Variants in IL1RAPL1 observed in about 807,000 individuals in gnomAD.
IL1RAPL1 encodes the protein interleukin 1 receptor accessory protein like 1.
A neutral mutation model predicts 48.4 loss-of-function variants in IL1RAPL1; 3 were observed. That is an observed-to-expected ratio of 0.06 (90% CI 0.03 to 0.16). The LOEUF is 0.16. IL1RAPL1 is among the 10% of genes least tolerant of loss of function. The pLI, the probability that IL1RAPL1 is intolerant of heterozygous loss-of-function variation, is 1.00. For missense variants in IL1RAPL1, 349 were observed against 530.6 expected, an observed-to-expected ratio of 0.66 and a Z score of 3.36; for synonymous variants, 185 against 187.7, an observed-to-expected ratio of 0.99 and a Z score of 0.12.
intron 5 of IL1RAPL1, among the ~76,000 whole-genome samples, chrX:29,667,816 TAGAA>T (rs1190404661): frequency 2.7e-5 from 3 of 111,954 alleles, no homozygotes; most frequent in African/African-American, 6.5e-5. Context: ...TAACGGATAA[TAGAA>T]AGAGTTTAGA....
intron 5 of IL1RAPL1, among the ~76,000 whole-genome samples, chrX:29,453,674 A>G (rs1254108582): frequency 9.0e-6 from 1 of 111,363 alleles, no homozygotes; most frequent in East Asian, 2.8e-4. Flanking sequence ...TCTAGGCCCT[A>G]CCTTCGGAGA....
intron 2 of IL1RAPL1, among the ~76,000 whole-genome samples, chrX:29,212,938 AC>A (rs34030650): frequency 9.0e-6 from 1 of 111,657 alleles, no homozygotes; most frequent in African/African-American, 3.3e-5. Context: ...GTGTAAATGG[AC>A]CCGTGCAGTT....
intron 1 of IL1RAPL1, among the ~76,000 whole-genome samples, chrX:28,594,447 C>CAATTATTATA (rs1279311058): frequency 9.0e-6 from 1 of 111,236 alleles, no homozygotes; most frequent in Non-Finnish European, 1.9e-5. Flanking sequence ...TTATAAAAGC[C>CAATTATTATA]AAAGGTGATC....
chrX:28,971,876 T>TTGTGTGTG (rs3066657), intron 2 of IL1RAPL1, among the ~76,000 whole-genome samples: 5,517 of 84,375 alleles, frequency 0.065, 285 homozygotes, highest in East Asian at 0.24. Flanking sequence ...ACTCTGAAAA[T>TTGTGTGTG]TGTGTGTGTG....
chrX:29,689,264 A>G (rs1316651758), intron 6 of IL1RAPL1, among the ~76,000 whole-genome samples: 1 of 111,595 alleles, frequency 9.0e-6, no homozygotes, highest in Admixed American at 9.6e-5. Flanking sequence ...TTTTTAAACT[A>G]TGGGGGCAGT....
At chrX:29,927,379 A>T (rs1387510298) in intron 8 of IL1RAPL1, among the ~76,000 whole-genome samples, 1 of 111,810 alleles carries the variant, frequency 8.9e-6, no homozygotes, top group Non-Finnish European at 1.9e-5. Context: ...TTTTTAATTA[A>T]TTGCCTCATT....
intron 2 of IL1RAPL1, among the ~76,000 whole-genome samples, chrX:28,828,032 G>A (rs935427846): frequency 2.7e-5 from 3 of 111,561 alleles, no homozygotes; most frequent in Non-Finnish European, 3.8e-5. Flanking sequence ...CTAGATCTTA[G>A]AATGGTCTGT....
At chrX:29,078,165 G>A (rs769539162) in intron 2 of IL1RAPL1, among the ~76,000 whole-genome samples, 2 of 111,592 alleles carry the variant, frequency 1.8e-5, no homozygotes, top group South Asian at 3.8e-4. Context: ...CCAGCTACTC[G>A]GGAAGCTGAG....
At chrX:29,419,985 G>A (rs1299658830) in intron 5 of IL1RAPL1, among the ~76,000 whole-genome samples, 1 of 111,557 alleles carries the variant, frequency 9.0e-6, no homozygotes, top group African/African-American at 3.3e-5. Context: ...TGAGTATAAG[G>A]GAAGGAATGT....
intron 2 of IL1RAPL1, among the ~76,000 whole-genome samples, chrX:29,216,854 C>G (rs1333791791): frequency 9.0e-6 from 1 of 111,729 alleles, no homozygotes; most frequent in African/African-American, 3.3e-5. Flanking sequence ...ATGGTAGTAC[C>G]AGTTCCTCTG....
At chrX:29,260,484 G>A (rs1931834926) in intron 2 of IL1RAPL1, among the ~76,000 whole-genome samples, 1 of 111,794 alleles carries the variant, frequency 8.9e-6, no homozygotes, top group African/African-American at 3.2e-5. Flanking sequence ...AAAACCATCA[G>A]ATCTCCTGAG....
chrX:29,210,737 C>A (rs1014151291), intron 2 of IL1RAPL1, among the ~76,000 whole-genome samples: 34 of 111,558 alleles, frequency 3.0e-4, no homozygotes, highest in African/African-American at 1.1e-3. Context: ...AGTCACGCTC[C>A]CCTTGTCCTT....
At chrX:28,936,834 C>T (rs1924028477) in intron 2 of IL1RAPL1, among the ~76,000 whole-genome samples, 1 of 111,175 alleles carries the variant, frequency 9.0e-6, no homozygotes, top group Non-Finnish European at 1.9e-5. Context: ...CATATACATC[C>T]ATGCTTCTTT....
chrX:29,147,380 G>A (rs1929371776), intron 2 of IL1RAPL1, among the ~76,000 whole-genome samples: 1 of 111,567 alleles, frequency 9.0e-6, no homozygotes, highest in African/African-American at 3.3e-5. Flanking sequence ...ATAAAGGGAG[G>A]GGGAGAATGC....
At chrX:29,352,685 G>T (rs1397225603) in intron 3 of IL1RAPL1, among the ~76,000 whole-genome samples, 1 of 100,411 alleles carries the variant, frequency 1.0e-5, no homozygotes, top group African/African-American at 3.8e-5. Context: ...TCCAGGATCA[G>T]TGTCCTCAGG....
chrX:29,903,054 A>G (rs1369024181), intron 6 of IL1RAPL1, among the ~76,000 whole-genome samples: 1 of 110,624 alleles, frequency 9.0e-6, no homozygotes, highest in Non-Finnish European at 1.9e-5. Flanking sequence ...CTGATTTCCA[A>G]AGAACTATCT....
At chrX:29,394,188 G>A (rs966838892) in intron 3 of IL1RAPL1, among the ~76,000 whole-genome samples, 2 of 110,437 alleles carry the variant, frequency 1.8e-5, no homozygotes, top group South Asian at 3.9e-4. Flanking sequence ...CTGTCCCAAT[G>A]TGTATTGCTT....
At chrX:29,829,090 T>G (rs1301916755) in intron 6 of IL1RAPL1, among the ~76,000 whole-genome samples, 1 of 107,647 alleles carries the variant, frequency 9.3e-6, no homozygotes, top group African/African-American at 3.4e-5. Flanking sequence ...ACAAAAGGTA[T>G]GCTTATTGTT....
intron 2 of IL1RAPL1, among the ~76,000 whole-genome samples, chrX:28,990,728 G>A (rs763809975): frequency 1.9e-3 from 213 of 111,793 alleles, no homozygotes; most frequent in African/African-American, 6.8e-3. Context: ...GATGTCTCCA[G>A]TATAGAATCA....
Sources: allele counts gnomAD v4.1 joint callset (sites outside exome capture counted in the v4.1 genomes callset), GRCh38; gene constraint gnomAD v4.1.1; transcripts MANE v1.5; gene names NCBI Gene and HGNC (gene_info 2026-07-23, HGNC 2026-07-21).